Variants in JAZF1 observed in about 807,000 individuals in gnomAD.
JAZF1 encodes juxtaposed with another zinc finger protein 1.
A neutral mutation model predicts 26.4 loss-of-function variants in JAZF1; 8 were observed. That is an observed-to-expected ratio of 0.30 (90% CI 0.18 to 0.55). The LOEUF is 0.55. Among genes scored for constraint, JAZF1 ranks in the 20% least tolerant of loss-of-function variants. The pLI is 0.94. For synonymous variants in JAZF1, 126 were observed against 122.3 expected, an observed-to-expected ratio of 1.03 and a Z score of -0.20; for missense variants, 199 against 322.0, an observed-to-expected ratio of 0.62 and a Z score of 2.92.
At chr7:27,984,989 C>G (rs77088177) in intron 2 of JAZF1, among the ~76,000 whole-genome samples, 3 of 151,986 alleles carry the variant, frequency 2.0e-5, no homozygotes, top group Non-Finnish European at 4.4e-5. Context: ...TAAATGCCCA[C>G]AAGAGAAAGC....
chr7:28,179,057 A>G (rs1173305462), intron 1 of JAZF1, among the ~76,000 whole-genome samples: 1 of 152,246 alleles, frequency 6.6e-6, no homozygotes, highest in African/African-American at 2.4e-5. Flanking sequence ...CTGCATAAAT[A>G]CACAGCAGTC....
At chr7:27,985,195 T>TA (rs1255849046) in intron 2 of JAZF1, among the ~76,000 whole-genome samples, 4 of 152,138 alleles carry the variant, frequency 2.6e-5, no homozygotes, top group African/African-American at 9.7e-5. Flanking sequence ...ACAAAATTGA[T>TA]AGACTGCTAG....
intron 1 of JAZF1, among the ~76,000 whole-genome samples, chr7:28,056,204 A>G (rs946430246): frequency 1.1e-4 from 16 of 152,144 alleles, no homozygotes; most frequent in African/African-American, 3.6e-4. Context: ...CTCTAAAAAA[A>G]AAAACCTGGA....
At chr7:27,850,387 G>A (rs997909458) in intron 3 of JAZF1, among the ~76,000 whole-genome samples, 2 of 152,148 alleles carry the variant, frequency 1.3e-5, no homozygotes, top group Non-Finnish European at 2.9e-5. Flanking sequence ...ATTCTCCCCT[G>A]TCTCCTCCTT....
At chr7:28,153,522 C>T (rs528666598) in intron 1 of JAZF1, among the ~76,000 whole-genome samples, 4 of 152,254 alleles carry the variant, frequency 2.6e-5, no homozygotes, top group South Asian at 2.1e-4. Flanking sequence ...TTCTAGATGA[C>T]GATACCAGGA....
At chr7:28,023,856 A>G (rs146531740) in intron 1 of JAZF1, among the ~76,000 whole-genome samples, 2 of 152,350 alleles carry the variant, frequency 1.3e-5, no homozygotes, top group East Asian at 3.9e-4. Context: ...TGCTATAGAT[A>G]TAAATGCTTC....
chr7:28,088,663 G>C (rs550227569), intron 1 of JAZF1, among the ~76,000 whole-genome samples: 4 of 152,122 alleles, frequency 2.6e-5, no homozygotes, highest in Admixed American at 6.6e-5. Context: ...CAAAGAAAAG[G>C]GGGCCTGTCT....
At chr7:28,080,928 T>C (rs1784125596) in intron 1 of JAZF1, among the ~76,000 whole-genome samples, 1 of 146,100 alleles carries the variant, frequency 6.8e-6, no homozygotes, top group African/African-American at 2.8e-5. Context: ...AACCTACAAT[T>C]TGTAAAAAAA....
intron 1 of JAZF1, among the ~76,000 whole-genome samples, chr7:28,110,316 C>T (rs1443387926): frequency 6.6e-6 from 1 of 151,618 alleles, no homozygotes; most frequent in East Asian, 2.0e-4. Flanking sequence ...ATCTCAGTTA[C>T]TTGGGAGGCT....
At chr7:27,855,653 A>G (rs2128334995) in intron 3 of JAZF1, among the ~76,000 whole-genome samples, 1 of 152,346 alleles carries the variant, frequency 6.6e-6, no homozygotes, top group East Asian at 1.9e-4. Context: ...CCCTTCCAAG[A>G]CTAAACCAGG....
At chr7:27,919,130 T>A (rs931065151) in intron 2 of JAZF1, among the ~76,000 whole-genome samples, 10 of 152,336 alleles carry the variant, frequency 6.6e-5, no homozygotes, top group Admixed American at 4.6e-4. Context: ...CAACTTTAAA[T>A]ACTCAACACC....
chr7:28,105,311 G>A (rs891394460), intron 1 of JAZF1, among the ~76,000 whole-genome samples: 1 of 152,128 alleles, frequency 6.6e-6, no homozygotes, highest in Admixed American at 6.5e-5. Context: ...TAGCCCTTTC[G>A]AGGTCAATAA....
intron 1 of JAZF1, among the ~76,000 whole-genome samples, chr7:28,007,638 G>C (rs768443675): frequency 5.9e-5 from 9 of 152,214 alleles, no homozygotes; most frequent in Non-Finnish European, 1.2e-4. Flanking sequence ...TCTGAATTAA[G>C]TGGTTGGTTT....
chr7:27,950,579 A>C (rs1248194856), intron 2 of JAZF1, among the ~76,000 whole-genome samples: 1 of 152,210 alleles, frequency 6.6e-6, no homozygotes, highest in African/African-American at 2.4e-5. Context: ...ACTAACCCTA[A>C]TGATCTTCAA....
chr7:27,893,230 T>C (rs1469238614), intron 3 of JAZF1, among the ~76,000 whole-genome samples: 2 of 152,168 alleles, frequency 1.3e-5, no homozygotes, highest in Non-Finnish European at 2.9e-5. Context: ...TACTAGGAAA[T>C]CCCTTTTCCC....
rs1347047366 is a variant in JAZF1, at chr7:27,840,913, C to T, written c.386-46G>A. 3.8e-6 allele frequency: 6 copies of T among 1,595,882 alleles called. No homozygotes were observed. Among genetic ancestry groups the T allele is most frequent in the Admixed American group, 1.7e-5 (1 of 58,882 alleles). ...AAGGACTGTCAGGAGCGCTCATCTC[C>T]CCACAGGTTCACCCGGCCACTTCCA... On this transcript the variant is annotated intron_variant, in intron 3 of 4. Transcript: ENST00000283928. This position sits in a 1 kb window ranked among gnomAD's most constrained non-coding sequence, Gnocchi z 5.1.
rs61193512 is a variant in JAZF1 at position 27,846,363 on chromosome 7, A to G, written c.386-5496T>C. On this transcript the variant is annotated intron_variant, in intron 3 of 4. Transcript: ENST00000283928. ...CGTATATATACACGTATACGTGTAC[A>G]TATGTATACGTACATGTACGTATAT... 3,797 of 380,172 alleles carry G rather than the reference A, an allele frequency of 1.0e-2. 123 individuals carry two copies. Among genetic ancestry groups the G allele is most frequent in the African/African-American group, 0.073 (3,464 of 47,610 alleles). 23.5% of individuals were successfully genotyped at this position (380,172 alleles called of 1,614,324 possible).
At chr7:27,956,067 T>C (rs527957253) in intron 2 of JAZF1, among the ~76,000 whole-genome samples, 24 of 152,196 alleles carry the variant, frequency 1.6e-4, no homozygotes, top group African/African-American at 4.6e-4. Flanking sequence ...TGTGTTCTGA[T>C]TGGGTGGGAT....
chr7:27,949,623 C>T (rs1378944460), intron 2 of JAZF1, among the ~76,000 whole-genome samples: 4 of 152,044 alleles, frequency 2.6e-5, no homozygotes, highest in African/African-American at 7.2e-5. Context: ...ATTAGCCAGG[C>T]GTGGTGGCAC....
Sources: allele counts gnomAD v4.1 joint callset (sites outside exome capture counted in the v4.1 genomes callset), GRCh38; gene constraint gnomAD v4.1.1; non-coding constraint Gnocchi (gnomAD v3.1); transcripts MANE v1.5; gene names NCBI Gene and HGNC (gene_info 2026-07-23, HGNC 2026-07-21).